The following CNTN5 variants were observed in gnomAD, a reference collection of about 807,000 sequenced individuals.
CNTN5 encodes contactin-5.
Under a neutral mutation model 129.1 loss-of-function variants are expected in CNTN5, and 77 were observed. The observed-to-expected ratio is 0.60, with a 90% CI of 0.50 to 0.72. The LOEUF is 0.72. Among genes scored for constraint, CNTN5 ranks in the 30% least tolerant of loss-of-function variants. CNTN5 has a pLI of 0.00. For synonymous variants in CNTN5, 509 were observed against 465.6 expected, an observed-to-expected ratio of 1.09 and a Z score of -1.20; for missense variants, 1,478 against 1,328.8, an observed-to-expected ratio of 1.11 and a Z score of -1.75.
intron 12 of CNTN5, among the ~76,000 whole-genome samples, chr11:100,073,188 A>G (rs1449705056): frequency 6.6e-6 from 1 of 151,888 alleles, no homozygotes; most frequent in Non-Finnish European, 1.5e-5. Context: ...CTGAGACTAC[A>G]GGCACCCACA....
At chr11:100,038,856 G>A (rs190395943) in intron 9 of CNTN5, among the ~76,000 whole-genome samples, 27 of 152,232 alleles carry the variant, frequency 1.8e-4, no homozygotes, top group East Asian at 7.7e-4. Flanking sequence ...TTGAGCCTGT[G>A]TATGTGTCTG....
chr11:99,503,917 G>A (rs539826575), intron 2 of CNTN5, among the ~76,000 whole-genome samples: 6 of 152,076 alleles, frequency 3.9e-5, no homozygotes, highest in Admixed American at 6.5e-5. Context: ...AAGATACATC[G>A]TTTAAATTAC....
chr11:99,333,753 A>G (rs957413903), intron 2 of CNTN5, among the ~76,000 whole-genome samples: 2 of 152,050 alleles, frequency 1.3e-5, no homozygotes, highest in African/African-American at 4.8e-5. Flanking sequence ...TGGAAATAAC[A>G]GAGATGAATA....
chr11:99,228,683 T>A (rs1458879781), intron 1 of CNTN5, among the ~76,000 whole-genome samples: 2 of 152,022 alleles, frequency 1.3e-5, no homozygotes, highest in East Asian at 3.9e-4. Context: ...AATATTATTC[T>A]TTTTTTATAT....
intron 1 of CNTN5, among the ~76,000 whole-genome samples, chr11:99,249,057 AG>A (rs1458667356): frequency 6.6e-6 from 1 of 152,170 alleles, no homozygotes; most frequent in East Asian, 1.9e-4. Context: ...TACCTTGGGC[AG>A]TATGGCCATT....
At chr11:99,953,060 G>C (rs1020947802) in intron 7 of CNTN5, among the ~76,000 whole-genome samples, 2 of 152,140 alleles carry the variant, frequency 1.3e-5, no homozygotes, top group African/African-American at 4.8e-5. Flanking sequence ...CCAACATGTA[G>C]TTATATTAAA....
At chr11:99,684,187 T>G (rs147712466) in intron 3 of CNTN5, among the ~76,000 whole-genome samples, 7 of 151,952 alleles carry the variant, frequency 4.6e-5, no homozygotes, top group Admixed American at 4.6e-4. Context: ...CATGTGGTAT[T>G]TCACCTACTA....
At chr11:100,244,619 T>A (rs1026148790) in intron 16 of CNTN5, among the ~76,000 whole-genome samples, 1 of 152,292 alleles carries the variant, frequency 6.6e-6, no homozygotes, top group African/African-American at 2.4e-5. Context: ...GAAATGGGGA[T>A]GTTTTTGCTC....
chr11:99,383,306 C>A (rs940876109), intron 2 of CNTN5, among the ~76,000 whole-genome samples: 1 of 152,192 alleles, frequency 6.6e-6, no homozygotes, highest in Non-Finnish European at 1.5e-5. Context: ...AGCTTTGTTT[C>A]TCTGACAGAC....
intron 1 of CNTN5, among the ~76,000 whole-genome samples, chr11:99,224,767 C>A (rs1860589390): frequency 6.8e-6 from 1 of 148,112 alleles, no homozygotes; most frequent in Non-Finnish European, 1.5e-5. Context: ...AAGTGCTTCT[C>A]CTGTCTCAGC....
intron 24 of CNTN5, among the ~76,000 whole-genome samples, chr11:100,353,272 C>G (rs1210453798): frequency 6.6e-6 from 1 of 151,524 alleles, no homozygotes; most frequent in Non-Finnish European, 1.5e-5. Context: ...AGACTCAGAA[C>G]CTGAGTCATG....
chr11:100,061,529 G>A, intron 10 of CNTN5, 136 bp downstream of exon 10: 1 of 616,508 alleles, frequency 1.6e-6, no homozygotes, highest in South Asian at 2.6e-5. Context: ...CATTCGTATG[G>A]TAAGGCATCA....
rs756247514 is a variant in CNTN5, at chr11:100,358,753, T to C, written c.*2533T>C. On this transcript the variant is annotated 3_prime_UTR_variant, in exon 25 of 25. Coordinates refer to ENST00000524871, the MANE Select transcript of CNTN5 (RefSeq NM_014361.4). ...ACCCCATGTCAAACTGTTAAATATA[T>C]TGTGTACGATCTGTATATATACTAT... 1.3e-4 allele frequency: 20 copies of C among 151,888 alleles called. No individual in the cohort carries two copies. Among genetic ancestry groups the C allele is most frequent in the Non-Finnish European group, 2.1e-4 (14 of 67,854 alleles). 9.4% of individuals were successfully genotyped at this position (151,888 alleles called of 1,614,324 possible).
At chr11:99,788,943 A>G (rs1220420531) in intron 3 of CNTN5, among the ~76,000 whole-genome samples, 2 of 152,034 alleles carry the variant, frequency 1.3e-5, no homozygotes, top group East Asian at 1.9e-4. Flanking sequence ...AACGTTTCCA[A>G]TAAGAGCCTC....
chr11:99,396,561 GAA>G (rs1207674492), intron 2 of CNTN5, among the ~76,000 whole-genome samples: 1 of 151,320 alleles, frequency 6.6e-6, no homozygotes, highest in Admixed American at 6.6e-5. Context: ...GAAGTTATGA[GAA>G]AAAAAGTTAT....
At position 99,763,771 on chromosome 11, in the gene CNTN5, C is replaced by T. The variant is rs554962173; in HGVS notation, c.56-55773C>T. Among the ~76,000 whole-genome samples, 3 of 151,990 alleles carry T rather than the reference C, an allele frequency of 2.0e-5. No individual in the cohort carries two copies. In the South Asian group the frequency reaches 6.2e-4, roughly 32 times the overall value. On this transcript the variant is annotated intron_variant, in intron 3 of 24. Coordinates refer to ENST00000524871, the MANE Select transcript of CNTN5 (RefSeq NM_014361.4). ...AGAAGATTTTTAGTCTTGTGATCTG[C>T]ATTTTAAAAATTGGTTTATATGAAT...
intron 3 of CNTN5, among the ~76,000 whole-genome samples, chr11:99,590,922 G>T (rs1024463643): frequency 6.6e-6 from 1 of 151,874 alleles, no homozygotes; most frequent in Non-Finnish European, 1.5e-5. Context: ...TTCAAATAAA[G>T]ATATGGTAAA....
At chr11:99,611,491 A>G (rs1303471918) in intron 3 of CNTN5, among the ~76,000 whole-genome samples, 1 of 152,202 alleles carries the variant, frequency 6.6e-6, no homozygotes. Context: ...TAAATGTAAA[A>G]TAAGAGTCAG....
At chr11:99,958,932 C>G (rs1950872035) in intron 8 of CNTN5, among the ~76,000 whole-genome samples, 1 of 152,170 alleles carries the variant, frequency 6.6e-6, no homozygotes. Flanking sequence ...CATTGCCGAT[C>G]ACAAGGGAGA....
Sources: gnomAD v4.1 joint callset for allele counts (sites outside exome capture counted in the v4.1 genomes callset) on GRCh38, gnomAD v4.1.1 for gene constraint, MANE v1.5 for transcripts, NCBI Gene and HGNC (gene_info 2026-07-23, HGNC 2026-07-21) for gene names.